CCDC187: variants seen among roughly 807,000 people sequenced by gnomAD.
CCDC187 encodes coiled-coil domain containing 187.
In CCDC187, 32 loss-of-function variants were observed where a neutral mutation model predicts 38.0. The ratio of observed to expected loss-of-function variants is 0.84; its 90% confidence interval spans 0.64 to 1.13. The LOEUF is 1.13. Ranked by LOEUF, CCDC187 falls within the 50% of genes most tolerant of loss-of-function variation. The pLI, the probability that CCDC187 is intolerant of heterozygous loss-of-function variation, is 0.00. For synonymous variants in CCDC187, 333 were observed against 347.9 expected (o/e 0.96, Z 0.48); for missense variants, 707 against 786.8 (o/e 0.90, Z 1.21).
At chr9:136,270,236 C>A (rs1306759021) in intron 14 of CCDC187, among the ~76,000 whole-genome samples, 2 of 152,144 alleles carry the variant, frequency 1.3e-5, no homozygotes, top group East Asian at 3.8e-4. Context: ...AACAGCTGGG[C>A]CCGGGGGACC....
At chr9:136,276,938 G>A (rs1024870739) in intron 10 of CCDC187, among the ~76,000 whole-genome samples, 16 of 152,184 alleles carry the variant, frequency 1.1e-4, no homozygotes, top group African/African-American at 2.6e-4. Context: ...CCTGCATGTC[G>A]AGGAAGGGCT....
chr9:136,281,503 G>A (rs1018571923), intron 10 of CCDC187, 48 bp downstream of exon 10: 18 of 392,350 alleles, frequency 4.6e-5, no homozygotes, highest in South Asian at 1.3e-4. Flanking sequence ...TGGATGCCCC[G>A]GCCACCCGAC....
chr9:136,284,537 A>G (rs1176926048), intron 9 of CCDC187, among the ~76,000 whole-genome samples: 4 of 152,102 alleles, frequency 2.6e-5, no homozygotes, highest in Non-Finnish European at 5.9e-5. Context: ...CGTCAAGGAC[A>G]GAGGGGTGAG....
intron 24 of CCDC187, 144 bp downstream of exon 24, chr9:136,256,067 A>G: frequency 3.4e-6 from 1 of 295,266 alleles, no homozygotes; most frequent in Non-Finnish European, 5.0e-6. Context: ...AGGAGGGCTC[A>G]GGGTGGGTGC....
At position 136,299,770 on chromosome 9, in the gene CCDC187, G is replaced by A. The variant is rs1432458935; in HGVS notation, c.724+450C>T. 4.6e-5 allele frequency among the ~76,000 whole-genome samples: 7 copies of A among 152,296 alleles called. No homozygotes were observed. The East Asian group carries it at 5.8e-4, about 13-fold the overall frequency. On this transcript the variant is annotated intron_variant, in intron 3 of 25. Coordinates refer to ENST00000638797, the MANE Select transcript of CCDC187 (RefSeq NM_001378188.1). ...CTCACGGGCCTGGGAGCCCGCCAACGGTTCAGCGTTTCCCCATCTGTGGGC... is the reference window on the plus strand; with the variant it reads ...CTCACGGGCCTGGGAGCCCGCCAACAGTTCAGCGTTTCCCCATCTGTGGGC...
Position 136,269,604 on chromosome 9 carries a change from C to T in CCDC187, c.3443-1479G>A, listed in dbSNP as rs1554762106. 2.6e-5 allele frequency among the ~76,000 whole-genome samples: 4 copies of T among 152,046 alleles called. No individual in the cohort carries two copies. The South Asian group carries it at 6.2e-4, about 24-fold the overall frequency. The stretch of plus-strand genomic sequence containing the variant: ...TAGAGGTTGCAGTGAGCTGAGATTG[C>T]GCCACTGCACTCCAGCCTGGCAACA... On this transcript the variant is annotated intron_variant, in intron 14 of 25. Transcript: ENST00000638797.
intron 14 of CCDC187, among the ~76,000 whole-genome samples, chr9:136,269,121 C>T (rs994193626): frequency 2.0e-5 from 3 of 152,178 alleles, no homozygotes; most frequent in African/African-American, 4.8e-5. Context: ...GGGACAGAAG[C>T]GTTCCGGGGG....
chr9:136,266,005 G>A lies in CCDC187; in HGVS notation c.3686C>T (p.Ala1229Val), dbSNP rs993409198. The A allele has an allele frequency of 1.3e-5, 13 of 985,400 alleles. No homozygotes were observed. The highest frequency in any genetic ancestry group is 4.7e-5 in the South Asian group (1 of 21,286). 61.0% of individuals were successfully genotyped at this position (985,400 alleles called of 1,614,324 possible). ...DSKRDRAVLA[A>V]LVEKQQQALS... Reference sequence around the variant, plus strand: ...GGCTTGCTGCTGCTTCTCAACCAGCGCGGCCAGCACAGCTCTGTCCCTCTT... The same window carrying A: ...GGCTTGCTGCTGCTTCTCAACCAGCACGGCCAGCACAGCTCTGTCCCTCTT... The change falls in exon 17 of 26, where the codon GCG becomes GTG. Residue 1229 changes from alanine (A) to valine (V), a missense_variant. Physicochemically the swap from Ala to Val is moderately conservative, Grantham distance 64. Coordinates refer to ENST00000638797, the MANE Select transcript of CCDC187 (RefSeq NM_001378188.1).
At position 136,286,137 on chromosome 9, in the gene CCDC187, C is replaced by A; in HGVS notation, c.2781G>T (p.Trp927Cys). The A allele has an allele frequency of 2.5e-6, 1 of 398,580 alleles. No homozygotes were observed. The highest frequency in any genetic ancestry group is 1.3e-4 in the South Asian group (1 of 7,858). 24.7% of individuals were successfully genotyped at this position (398,580 alleles called of 1,614,324 possible). The change falls in exon 8 of 26, where the codon TGG becomes TGT. Residue 927 changes from tryptophan (W) to cysteine (C), a missense_variant. Transcript: ENST00000638797. ...DGETLSWGPSWEQQQSVSPRA... is the reference protein window; with the variant it reads ...DGETLSWGPSCEQQQSVSPRA... ...TCGGGCTCACACTCTGCTGTTGCTC[C>A]CAGCTGGGGCCCCACGACAGTGTCT...
intron 10 of CCDC187, among the ~76,000 whole-genome samples, chr9:136,278,727 G>A (rs1221718097): frequency 6.6e-6 from 1 of 152,258 alleles, no homozygotes; most frequent in Non-Finnish European, 1.5e-5. Flanking sequence ...AGTGGGGGCT[G>A]TGGAGTTTGA....
chr9:136,268,235 G>A, intron 14 of CCDC187, 110 bp from the exon 15 acceptor site: 1 of 610,922 alleles, frequency 1.6e-6, no homozygotes, highest in Non-Finnish European at 2.1e-6. Context: ...GGGCAGTTTA[G>A]TGTCCCCATC....
In CCDC187 at chr9:136,257,743, G is replaced by A. The variant is rs935301947; in HGVS notation, c.4367-902C>T. Among the ~76,000 whole-genome samples the A allele has an allele frequency of 6.6e-6, 1 of 152,252 alleles. No homozygotes were observed. Among genetic ancestry groups the A allele is most frequent in the Non-Finnish European group, 1.5e-5 (1 of 68,038 alleles). ...CAGAGCTGTTTGTCTAAAGCCCAAG[G>A]AGGGGGAAGCTCCATCAGTGGGAAC... On this transcript the variant is annotated intron_variant, in intron 22 of 25. Transcript: ENST00000638797. This position sits in a 1 kb window ranked among gnomAD's most constrained non-coding sequence, Gnocchi z 4.5.
chr9:136,282,816 G>A (rs942260043), intron 9 of CCDC187, among the ~76,000 whole-genome samples: 4 of 152,252 alleles, frequency 2.6e-5, no homozygotes, highest in African/African-American at 4.8e-5. Flanking sequence ...TGCCCAGGCC[G>A]TGAGGGGCTG....
intron 3 of CCDC187, among the ~76,000 whole-genome samples, chr9:136,298,476 C>T (rs2131352108): frequency 6.6e-6 from 1 of 152,192 alleles, no homozygotes; most frequent in African/African-American, 2.4e-5. Context: ...TCTTTCCCTG[C>T]TTCCGACTTC....
At chr9:136,285,643 A>T (rs1478617987) in intron 8 of CCDC187, 37 bp from the exon 9 acceptor site, 1 of 399,630 alleles carries the variant, frequency 2.5e-6, no homozygotes, top group African/African-American at 2.1e-5. Context: ...CTCCCTGGTC[A>T]GCCGGGAGCA....
chr9:136,255,840 C>T (rs554537501), intron 24 of CCDC187, 107 bp from the exon 25 acceptor site: 5 of 459,950 alleles, frequency 1.1e-5, no homozygotes, highest in Non-Finnish European at 8.6e-6. Context: ...AGCTCACACT[C>T]GAAAAACATC....
chr9:136,296,291 A>G lies in CCDC187; in HGVS notation c.832+1423T>C, dbSNP rs911923787. ...CTTGGAGTGAGGGTCCCACAAAGCCAATCTCAGGCGTTCACTCCACCTGGG... is the reference window on the plus strand; with the variant it reads ...CTTGGAGTGAGGGTCCCACAAAGCCGATCTCAGGCGTTCACTCCACCTGGG... On this transcript the variant is annotated intron_variant, in intron 4 of 25. Coordinates refer to ENST00000638797, the MANE Select transcript of CCDC187 (RefSeq NM_001378188.1). The G allele has an allele frequency of 2.6e-5, 4 of 152,226 alleles. No individual in the cohort carries two copies. The East Asian group carries it at 7.7e-4, about 29-fold the overall frequency. 9.4% of individuals were successfully genotyped at this position (152,226 alleles called of 1,614,324 possible). A position where few individuals can be genotyped will look rare whatever the true frequency, so the allele number is the denominator to read the frequency against.
In CCDC187 at chr9:136,268,108, C is replaced by T. The variant is rs2131173354; in HGVS notation, c.3460G>A (p.Gly1154Arg). The change falls in exon 15 of 26, where the codon GGA (glycine) becomes AGA (arginine). Residue 1154 changes from glycine to arginine, a missense_variant. Physicochemically the swap from Gly to Arg is moderately radical, Grantham distance 125. Coordinates refer to ENST00000638797, the MANE Select transcript of CCDC187 (RefSeq NM_001378188.1). ...GCCAGGGGAAGCTGGGAGAGGGCTC[C>T]GTCAGGGCCCTCCACCTCTGAGGAA... Reference protein sequence around the residue: ...PASAEVEGPDGALSQLPLAKF... With the variant: ...PASAEVEGPDRALSQLPLAKF... The T allele has an allele frequency of 2.0e-6, 2 of 985,488 alleles. No individual in the cohort carries two copies. The highest frequency in any genetic ancestry group is 4.7e-5 in the South Asian group (1 of 21,292). The allele number at this position is 985,488 out of a possible 1,614,324, so 61.0% of individuals were successfully genotyped here.
At position 136,253,822 on chromosome 9, in the gene CCDC187, G is replaced by C; in HGVS notation, c.6006C>G (p.Leu2002=). 1 of 985,422 alleles carries C rather than the reference G, an allele frequency of 1.0e-6. No individual in the cohort carries two copies. Among genetic ancestry groups the C allele is most frequent in the Non-Finnish European group, 1.2e-6 (1 of 829,928 alleles). The allele number at this position is 985,422 out of a possible 1,614,324, so 61.0% of individuals were successfully genotyped here. A position where few individuals can be genotyped will look rare whatever the true frequency, so the allele number is the denominator to read the frequency against. The change falls in exon 26 of 26, where the codon CTC becomes CTG. Residue 2002 remains leucine, a synonymous_variant. Transcript: ENST00000638797. ...GGGCCTCCCTGTGGATGGAGGACGGGAGGTCGGCACTGCCGTAGGACAGCA... is the reference window on the plus strand; with the variant it reads ...GGGCCTCCCTGTGGATGGAGGACGGCAGGTCGGCACTGCCGTAGGACAGCA... ...DELLSYGSAD[L]PSSIHREAPL...
Sources: gnomAD v4.1 joint callset for allele counts (sites outside exome capture counted in the v4.1 genomes callset) on GRCh38, gnomAD v4.1.1 for gene constraint, Gnocchi (gnomAD v3.1) non-coding constraint, MANE v1.5 for transcripts, NCBI Gene and HGNC (gene_info 2026-07-23, HGNC 2026-07-21) for gene names.